EYA2: variants seen among roughly 807,000 people sequenced by gnomAD.
EYA2 encodes the protein protein phosphatase EYA2.
EYA2 carries 31 observed loss-of-function variants against 69.2 expected under a neutral mutation model. That is an observed-to-expected ratio of 0.45 (90% CI 0.34 to 0.60). The LOEUF (loss-of-function observed/expected upper bound fraction) is 0.60. Among genes scored for constraint, EYA2 ranks in the 20% least tolerant of loss-of-function variants. The pLI is 0.02. For synonymous variants in EYA2, 257 were observed against 279.4 expected, an observed-to-expected ratio of 0.92 and a Z score of 0.80; for missense variants, 622 against 701.2, an observed-to-expected ratio of 0.89 and a Z score of 1.28.
intron 9 of EYA2, among the ~76,000 whole-genome samples, chr20:47,128,074 A>G (rs1015277496): frequency 6.6e-6 from 1 of 152,218 alleles, no homozygotes; most frequent in African/African-American, 2.4e-5. Context: ...ATGGGCTACA[A>G]GTAAGTGAGG....
chr20:46,920,828 G>C (rs1985146943), intron 1 of EYA2, among the ~76,000 whole-genome samples: 1 of 152,188 alleles, frequency 6.6e-6, no homozygotes. Flanking sequence ...GGGAGCTCAG[G>C]ACTCATCATC....
At chr20:47,007,697 C>A (rs1284079240) in intron 4 of EYA2, among the ~76,000 whole-genome samples, 1 of 151,900 alleles carries the variant, frequency 6.6e-6, no homozygotes, top group Non-Finnish European at 1.5e-5. Flanking sequence ...CTCACTGCAC[C>A]CTCCACCTCC....
chr20:47,061,531 A>G (rs112372863), intron 5 of EYA2, among the ~76,000 whole-genome samples: 2 of 151,610 alleles, frequency 1.3e-5, no homozygotes, highest in African/African-American at 4.9e-5. Context: ...CCCTGTCTCA[A>G]CTGAAAAAAA....
At chr20:47,059,216 C>T (rs553757204) in intron 5 of EYA2, among the ~76,000 whole-genome samples, 58 of 152,302 alleles carry the variant, frequency 3.8e-4, no homozygotes, top group African/African-American at 9.9e-4. Flanking sequence ...TAGTTTCCCA[C>T]GCTGGGAGTG....
intron 1 of EYA2, among the ~76,000 whole-genome samples, chr20:46,900,810 G>C (rs977914554): frequency 6.6e-6 from 1 of 152,122 alleles, no homozygotes; most frequent in Non-Finnish European, 1.5e-5. Flanking sequence ...TTTTTTTAAG[G>C]TTACTTAGAT....
chr20:47,183,812 G>A (rs2034584622), intron 15 of EYA2, among the ~76,000 whole-genome samples: 1 of 152,194 alleles, frequency 6.6e-6, no homozygotes, highest in Non-Finnish European at 1.5e-5. Flanking sequence ...GGCCCGTGAG[G>A]AGAGGGCAGG....
chr20:47,149,710 AAT>A (rs977863277), intron 10 of EYA2, among the ~76,000 whole-genome samples: 5 of 137,048 alleles, frequency 3.6e-5, no homozygotes, highest in African/African-American at 1.3e-4. Context: ...AAAAAAAAAA[AAT>A]TAGCCAAGCA....
intron 15 of EYA2, among the ~76,000 whole-genome samples, chr20:47,184,568 C>T (rs6018330): frequency 0.56 from 84,822 of 150,806 alleles, 25,763 homozygotes; most frequent in African/African-American, 0.81. Flanking sequence ...GGACAGGCAC[C>T]ACCATACCTG....
At chr20:46,991,711 T>C (rs1348532828) in intron 2 of EYA2, among the ~76,000 whole-genome samples, 1 of 152,224 alleles carries the variant, frequency 6.6e-6, no homozygotes, top group African/African-American at 2.4e-5. Context: ...GGCTCACACC[T>C]GTAATCCCAG....
chr20:47,167,282 T>TTTA (rs1341612229), intron 10 of EYA2, among the ~76,000 whole-genome samples: 2 of 139,700 alleles, frequency 1.4e-5, no homozygotes, highest in African/African-American at 5.3e-5. Flanking sequence ...TTTTTTTACT[T>TTTA]TTTTTTTTTT....
In EYA2 at chr20:47,166,412, A is replaced by T. The variant is rs1421595512; in HGVS notation, c.979-2727A>T. Among the ~76,000 whole-genome samples, 48 of 138,638 alleles carry T rather than the reference A, an allele frequency of 3.5e-4. 1 individual carries two copies. Among genetic ancestry groups the T allele is most frequent in the African/African-American group, 1.1e-3 (36 of 33,674 alleles). The allele number at this position is 138,638 out of a possible 152,430, so 91.0% of individuals were successfully genotyped here. Reference sequence around the variant, plus strand: ...ACTGTCTAAAAAAAAAAAAAAAAAAAAAAAAAAAAAAAAAAAAAAGCTTTT... The same window carrying T: ...ACTGTCTAAAAAAAAAAAAAAAAAATAAAAAAAAAAAAAAAAAAAGCTTTT... On this transcript the variant is annotated intron_variant, in intron 10 of 15. Transcript: ENST00000327619.
intron 2 of EYA2, among the ~76,000 whole-genome samples, chr20:46,990,752 G>T (rs1157320443): frequency 1.3e-5 from 2 of 152,184 alleles, no homozygotes; most frequent in Non-Finnish European, 2.9e-5. Flanking sequence ...TAACCATTGG[G>T]CTTAACCCTT....
chr20:47,153,228 T>G (rs919260429), intron 10 of EYA2, among the ~76,000 whole-genome samples: 1 of 152,038 alleles, frequency 6.6e-6, no homozygotes, highest in Non-Finnish European at 1.5e-5. Context: ...CTTTGTTAAA[T>G]GTATGGCTTT....
chr20:47,168,173 C>T (rs1450085376), intron 10 of EYA2, among the ~76,000 whole-genome samples: 1 of 148,326 alleles, frequency 6.7e-6, no homozygotes, highest in Non-Finnish European at 1.5e-5. Flanking sequence ...TGTCCCCACC[C>T]CGTAGTCTTT....
intron 4 of EYA2, among the ~76,000 whole-genome samples, chr20:47,010,729 A>G (rs1261270008): frequency 6.6e-6 from 1 of 151,230 alleles, no homozygotes; most frequent in Non-Finnish European, 1.5e-5. Flanking sequence ...TAAAATATGG[A>G]ACCTGTGATT....
At chr20:47,011,985 C>T (rs1193727724) in intron 4 of EYA2, among the ~76,000 whole-genome samples, 5 of 149,576 alleles carry the variant, frequency 3.3e-5, no homozygotes, top group Non-Finnish European at 5.9e-5. Flanking sequence ...TTGTATGCTT[C>T]TCCTCTGCTG....
intron 12 of EYA2, among the ~76,000 whole-genome samples, chr20:47,176,107 T>G (rs35070952): frequency 0.42 from 59,252 of 142,068 alleles, 12,794 homozygotes; most frequent in Non-Finnish European, 0.49. Flanking sequence ...TGAGATGGAG[T>G]CTTGCTCTGT....
At chr20:46,975,956 A>T (rs1600599362) in intron 1 of EYA2, among the ~76,000 whole-genome samples, 1 of 152,230 alleles carries the variant, frequency 6.6e-6, no homozygotes, top group Non-Finnish European at 1.5e-5. Context: ...TGGAATTGAG[A>T]TTCAAGACTC....
chr20:47,000,999 G>A (rs1982331385), intron 2 of EYA2, among the ~76,000 whole-genome samples: 1 of 152,134 alleles, frequency 6.6e-6, no homozygotes, highest in South Asian at 2.1e-4. Flanking sequence ...TGCTTTTGAG[G>A]CAGGGAAGGG....
Sources: allele counts gnomAD v4.1 joint callset (sites outside exome capture counted in the v4.1 genomes callset), GRCh38; gene constraint gnomAD v4.1.1; transcripts MANE v1.5; gene names NCBI Gene and HGNC (gene_info 2026-07-23, HGNC 2026-07-21).